Variants in ZNF407 observed in about 807,000 individuals in gnomAD.
ZNF407 encodes the protein zinc finger protein 407.
In ZNF407, 17 loss-of-function variants were observed where a neutral mutation model predicts 131.2. That is an observed-to-expected ratio of 0.13 (90% CI 0.09 to 0.19). The LOEUF is 0.19. Ranked by LOEUF, ZNF407 falls within the 10% of genes least tolerant of loss-of-function variation. ZNF407 has a pLI of 1.00. For synonymous variants in ZNF407, 1,156 were observed against 1,062.0 expected (o/e 1.09, Z -1.72); for missense variants, 2,681 against 2,830.6 (o/e 0.95, Z 1.20).
chr18:74,640,132 G>T (rs1463840497), intron 2 of ZNF407, among the ~76,000 whole-genome samples: 1 of 151,992 alleles, frequency 6.6e-6, no homozygotes, highest in African/African-American at 2.4e-5. Context: ...TTTGGAAATG[G>T]TGTATCTATT....
chr18:74,922,206 C>T (rs576534106), intron 8 of ZNF407, among the ~76,000 whole-genome samples: 1 of 152,300 alleles, frequency 6.6e-6, no homozygotes, highest in East Asian at 1.9e-4. Flanking sequence ...CCATAAGTGC[C>T]TATGGGTTCT....
At chr18:75,022,895 G>T (rs970951669) in intron 8 of ZNF407, among the ~76,000 whole-genome samples, 2 of 152,122 alleles carry the variant, frequency 1.3e-5, no homozygotes, top group East Asian at 3.8e-4. Context: ...GTTCATTGCA[G>T]CACTATTAAC....
At position 74,703,312 on chromosome 18, in the gene ZNF407, C is replaced by T. The variant is rs1568174075; in HGVS notation, c.4802+62190C>T. Among the ~76,000 whole-genome samples the T allele has an allele frequency of 6.6e-6, 1 of 152,176 alleles. No individual in the cohort carries two copies. The highest frequency in any genetic ancestry group is 2.4e-5 in the African/African-American group (1 of 41,446). On this transcript the variant is annotated intron_variant, in intron 3 of 8. Coordinates refer to ENST00000299687, the MANE Select transcript of ZNF407 (RefSeq NM_017757.3). The surrounding 1 kb of genome is among the most constrained non-coding windows in gnomAD (Gnocchi z 4.1). ...GAGACGACCCATTACAGAGCTACCACAGAGAGTTTTAGATCTCTCTCTCTC... is the reference window on the plus strand; with the variant it reads ...GAGACGACCCATTACAGAGCTACCATAGAGAGTTTTAGATCTCTCTCTCTC...
intron 3 of ZNF407, among the ~76,000 whole-genome samples, chr18:74,686,282 C>A (rs968990230): frequency 1.3e-5 from 2 of 152,160 alleles, no homozygotes; most frequent in Admixed American, 6.5e-5. Context: ...ATATACAAAC[C>A]AAAACTATTG....
At chr18:74,786,787 A>ACT (rs1969722453) in intron 4 of ZNF407, among the ~76,000 whole-genome samples, 3 of 145,998 alleles carry the variant, frequency 2.1e-5, no homozygotes, top group Non-Finnish European at 4.5e-5. Context: ...TAATGTAAAA[A>ACT]AGTATGTTTT....
intron 1 of ZNF407, among the ~76,000 whole-genome samples, chr18:74,629,133 A>G (rs1246336387): frequency 6.6e-6 from 1 of 152,232 alleles, no homozygotes; most frequent in Non-Finnish European, 1.5e-5. Flanking sequence ...GAACTGGTAG[A>G]CTGTTTTCCA....
intron 3 of ZNF407, among the ~76,000 whole-genome samples, chr18:74,659,123 T>C (rs1478956470): frequency 6.6e-6 from 1 of 152,158 alleles, no homozygotes; most frequent in Non-Finnish European, 1.5e-5. Flanking sequence ...AATACTGGTG[T>C]GTTTTGGGCT....
intron 3 of ZNF407, among the ~76,000 whole-genome samples, chr18:74,648,863 A>G (rs79266817): frequency 2.0e-5 from 3 of 152,306 alleles, no homozygotes; most frequent in Non-Finnish European, 2.9e-5. Flanking sequence ...TTTAAAAAGT[A>G]TGTACTGTGT....
intron 4 of ZNF407, among the ~76,000 whole-genome samples, chr18:74,868,031 A>C (rs751011312): frequency 3.3e-5 from 5 of 152,176 alleles, no homozygotes; most frequent in Admixed American, 6.5e-5. Flanking sequence ...TTTATGGATA[A>C]AATCCATCGT....
In ZNF407 at chr18:74,705,533, C is replaced by T. The variant is rs943476167; in HGVS notation, c.4802+64411C>T. On this transcript the variant is annotated intron_variant, in intron 3 of 8. Transcript: ENST00000299687. ...TTGTACCTCTATTCCACATCTATAGCTTTATGAATATGTATTGGTAGATTA... is the reference window on the plus strand; with the variant it reads ...TTGTACCTCTATTCCACATCTATAGTTTTATGAATATGTATTGGTAGATTA... Among the ~76,000 whole-genome samples, 25 of 152,186 alleles carry T rather than the reference C, an allele frequency of 1.6e-4. 1 individual carries two copies. The highest frequency in any genetic ancestry group is 1.5e-5 in the Non-Finnish European group (1 of 68,040).
rs549884874 is a variant in ZNF407 at position 74,909,176 on chromosome 18, C to T, written c.5250-11338C>T. On this transcript the variant is annotated intron_variant, in intron 7 of 8. Coordinates refer to ENST00000299687, the MANE Select transcript of ZNF407 (RefSeq NM_017757.3). ...TAATTAACTTTGCACACATGATACA[C>T]ACCTCACATGTGCTCATACATATAC... 7.9e-5 allele frequency among the ~76,000 whole-genome samples: 12 copies of T among 151,490 alleles called. No individual in the cohort carries two copies. The South Asian group carries it at 2.5e-3, about 32-fold the overall frequency.
At chr18:74,606,419 AAT>A (rs1050561737) in intron 1 of ZNF407, among the ~76,000 whole-genome samples, 3 of 152,090 alleles carry the variant, frequency 2.0e-5, no homozygotes, top group African/African-American at 7.2e-5. Context: ...ATATATTTTA[AAT>A]ATATTTTGAG....
intron 3 of ZNF407, among the ~76,000 whole-genome samples, chr18:74,651,788 A>G (rs1304959431): frequency 1.3e-5 from 2 of 152,188 alleles, no homozygotes; most frequent in Non-Finnish European, 2.9e-5. Flanking sequence ...GCTGTCCCTC[A>G]ACAAAGAGAG....
chr18:74,864,479 G>A (rs191812017), intron 4 of ZNF407, among the ~76,000 whole-genome samples: 9 of 152,250 alleles, frequency 5.9e-5, no homozygotes, highest in Admixed American at 5.9e-4. Context: ...AAGCAGTTTG[G>A]TTTCCAGTTT....
In ZNF407 at chr18:74,982,263, C is replaced by T. The variant is rs201848736; in HGVS notation, c.5428+61571C>T. 6.6e-5 allele frequency among the ~76,000 whole-genome samples: 10 copies of T among 152,278 alleles called. No homozygotes were observed. The East Asian group carries it at 1.5e-3, about 23-fold the overall frequency. ...TGATGTGTTAACCTTTTCTACACAG[C>T]GTCCTATTGAAGACAATCTAACCTT... On this transcript the variant is annotated intron_variant, in intron 8 of 8. Coordinates refer to ENST00000299687, the MANE Select transcript of ZNF407 (RefSeq NM_017757.3).
intron 4 of ZNF407, among the ~76,000 whole-genome samples, chr18:74,806,820 T>C (rs1288755487): frequency 1.3e-5 from 2 of 152,258 alleles, no homozygotes; most frequent in Non-Finnish European, 2.9e-5. Context: ...ACTGAGTAAG[T>C]GTCCCAGCAG....
intron 3 of ZNF407, among the ~76,000 whole-genome samples, chr18:74,767,956 C>T (rs903901489): frequency 6.6e-6 from 1 of 151,474 alleles, no homozygotes; most frequent in Non-Finnish European, 1.5e-5. Context: ...TGAGCTACTG[C>T]GCCCTGCCCC....
At chr18:74,979,769 A>G (rs1972567730) in intron 8 of ZNF407, among the ~76,000 whole-genome samples, 1 of 152,208 alleles carries the variant, frequency 6.6e-6, no homozygotes, top group South Asian at 2.1e-4. Flanking sequence ...ATAAAATAAA[A>G]GGACCATTTA....
rs1555687129 is a variant in ZNF407, at chr18:74,779,088, C to CATATATATATATAT, written c.4803-2331_4803-2318dup. On this transcript the variant is annotated intron_variant, in intron 3 of 8. Coordinates refer to ENST00000299687, the MANE Select transcript of ZNF407 (RefSeq NM_017757.3). ...GTAATTTAATGCTAGTCATGCTTGG[C>CATATATATATATAT]ATATATATATATATATATATATTTT... is the stretch of plus-strand genomic sequence containing the variant. Among the ~76,000 whole-genome samples, 24 of 19,216 alleles carry CATATATATATATAT rather than the reference C, an allele frequency of 1.2e-3. 1 individual carries two copies. Among genetic ancestry groups the CATATATATATATAT allele is most frequent in the East Asian group, 4.8e-3 (1 of 210 alleles). 12.6% of individuals were successfully genotyped at this position (19,216 alleles called of 152,430 possible).
Sources: gnomAD v4.1 joint callset for allele counts (sites outside exome capture counted in the v4.1 genomes callset) on GRCh38, gnomAD v4.1.1 for gene constraint, Gnocchi (gnomAD v3.1) non-coding constraint, MANE v1.5 for transcripts, NCBI Gene and HGNC (gene_info 2026-07-23, HGNC 2026-07-21) for gene names.